The following NIBAN1 variants were observed in gnomAD, a reference collection of about 807,000 sequenced individuals.
NIBAN1 encodes protein Niban 1.
A neutral mutation model predicts 75.1 loss-of-function variants in NIBAN1; 81 were observed. That is an observed-to-expected ratio of 1.08 (90% CI 0.90 to 1.30). NIBAN1 has a LOEUF of 1.30. Among genes scored for constraint, NIBAN1 ranks in the 50% most tolerant of loss-of-function variants. The pLI is 0.00. For synonymous variants in NIBAN1, 436 were observed against 424.8 expected, an observed-to-expected ratio of 1.03 and a Z score of -0.32; for missense variants, 1,133 against 1,128.1, an observed-to-expected ratio of 1.00 and a Z score of -0.06.
chr1:184,808,273 A>G lies in NIBAN1; in HGVS notation c.1174-38T>C, dbSNP rs772615770. On this transcript the variant is annotated intron_variant, in intron 9 of 13. Coordinates refer to ENST00000367511, the MANE Select transcript of NIBAN1 (RefSeq NM_052966.4). ...GAAGGGAAACATTAAACACCCTCAG[A>G]ATGAGGAGCGGTATTGCATATATAT... 13 of 1,601,214 alleles carry G rather than the reference A, an allele frequency of 8.1e-6. No homozygotes were observed. In the Admixed American group the frequency reaches 2.0e-4, roughly 25 times the overall value.
intron 1 of NIBAN1, among the ~76,000 whole-genome samples, chr1:184,944,450 T>C (rs908732765): frequency 2.0e-5 from 3 of 152,196 alleles, no homozygotes; most frequent in African/African-American, 2.4e-5. Flanking sequence ...GTTAGGACTT[T>C]GAAAAAGAGA....
intron 3 of NIBAN1, among the ~76,000 whole-genome samples, chr1:184,892,531 T>A (rs991614278): frequency 3.9e-5 from 6 of 152,224 alleles, no homozygotes; most frequent in Non-Finnish European, 2.9e-5. Flanking sequence ...AATTAAGTGT[T>A]GAATAAAATC....
chr1:184,887,439 G>T (rs999568937), intron 4 of NIBAN1, among the ~76,000 whole-genome samples: 2 of 152,142 alleles, frequency 1.3e-5, no homozygotes, highest in Non-Finnish European at 2.9e-5. Context: ...TACATTTCCA[G>T]CCTCCTTTGC....
chr1:184,918,283 T>C (rs1203274824), intron 1 of NIBAN1, among the ~76,000 whole-genome samples: 1 of 152,100 alleles, frequency 6.6e-6, no homozygotes, highest in Non-Finnish European at 1.5e-5. Flanking sequence ...CAGGCCCTCG[T>C]CTCTTACAAA....
At position 184,802,969 on chromosome 1, in the gene NIBAN1, C is replaced by T. The variant is rs190074234; in HGVS notation, c.1554+616G>A. Among the ~76,000 whole-genome samples, 941 of 152,320 alleles carry T rather than the reference C, an allele frequency of 6.2e-3. 5 individuals carry two copies. The highest frequency in any genetic ancestry group is 0.017 in the Middle Eastern group (5 of 294). On this transcript the variant is annotated intron_variant, in intron 12 of 13. Transcript: ENST00000367511. ...ACCATGAGGATATAAATAATACCTC[C>T]TCCCAGAGCTGTTTTCAGTCTCTGC...
chr1:184,962,507 C>T (rs937333557), intron 1 of NIBAN1, among the ~76,000 whole-genome samples: 4 of 152,118 alleles, frequency 2.6e-5, no homozygotes, highest in Non-Finnish European at 4.4e-5. Flanking sequence ...CCAGTTGTAG[C>T]AGTAAACATA....
chr1:184,938,086 T>C (rs1439314967), intron 1 of NIBAN1, among the ~76,000 whole-genome samples: 1 of 152,154 alleles, frequency 6.6e-6, no homozygotes, highest in African/African-American at 2.4e-5. Context: ...TCTCTGGTCA[T>C]GGAGATTAAC....
intron 1 of NIBAN1, among the ~76,000 whole-genome samples, chr1:184,925,788 C>T (rs1432604796): frequency 6.6e-6 from 1 of 151,862 alleles, no homozygotes; most frequent in Non-Finnish European, 1.5e-5. Flanking sequence ...ATTGTATTGT[C>T]TATGTGTTGA....
intron 5 of NIBAN1, among the ~76,000 whole-genome samples, chr1:184,843,248 C>T (rs552096218): frequency 3.7e-4 from 57 of 152,296 alleles, no homozygotes; most frequent in African/African-American, 1.4e-3. Context: ...CCAGATGTAA[C>T]CCTGATTGAT....
At chr1:184,966,343 T>C (rs1658784116) in intron 1 of NIBAN1, among the ~76,000 whole-genome samples, 1 of 152,204 alleles carries the variant, frequency 6.6e-6, no homozygotes, top group Middle Eastern at 3.2e-3. Context: ...TTCAGTATCC[T>C]ATTGGAGAGG....
chr1:184,955,702 G>A (rs1198476017), intron 1 of NIBAN1, among the ~76,000 whole-genome samples: 1 of 152,168 alleles, frequency 6.6e-6, no homozygotes. Context: ...TCCACTTAAA[G>A]TAGAAAATGT....
intron 3 of NIBAN1, among the ~76,000 whole-genome samples, chr1:184,890,877 C>T (rs1037133492): frequency 6.6e-6 from 1 of 152,278 alleles, no homozygotes; most frequent in Non-Finnish European, 1.5e-5. Flanking sequence ...ATTGCCAAAG[C>T]AGTTTGGTAA....
At chr1:184,961,890 A>G (rs1054497967) in intron 1 of NIBAN1, among the ~76,000 whole-genome samples, 15 of 152,224 alleles carry the variant, frequency 9.9e-5, no homozygotes, top group Admixed American at 7.2e-4. Flanking sequence ...AGAATTTAAT[A>G]CTATTTACTG....
intron 1 of NIBAN1, among the ~76,000 whole-genome samples, chr1:184,908,586 G>T (rs968469642): frequency 6.6e-6 from 1 of 152,078 alleles, no homozygotes; most frequent in Non-Finnish European, 1.5e-5. Flanking sequence ...TTTAGGAGAG[G>T]AAACCAATAG....
At chr1:184,851,863 C>A (rs1425607173) in intron 5 of NIBAN1, among the ~76,000 whole-genome samples, 6 of 150,252 alleles carry the variant, frequency 4.0e-5, no homozygotes, top group Non-Finnish European at 7.4e-5. Context: ...TTTAACTAAT[C>A]CTCTTATGAC....
At chr1:184,966,169 G>A (rs1419289363) in intron 1 of NIBAN1, among the ~76,000 whole-genome samples, 2 of 152,218 alleles carry the variant, frequency 1.3e-5, no homozygotes, top group Non-Finnish European at 2.9e-5. Context: ...ATGCCTGTGT[G>A]TAGTCCTCTC....
chr1:184,958,402 A>ACACACACACACACACACAC (rs1557930915), intron 1 of NIBAN1, among the ~76,000 whole-genome samples: 1 of 149,464 alleles, frequency 6.7e-6, no homozygotes, highest in South Asian at 2.1e-4. Context: ...ACACACACAC[A>ACACACACACACACACACAC]AATAGCCAAA....
intron 5 of NIBAN1, among the ~76,000 whole-genome samples, chr1:184,832,718 AC>A: frequency 6.6e-6 from 1 of 152,242 alleles, no homozygotes; most frequent in African/African-American, 2.4e-5. Flanking sequence ...TTCTAAACAT[AC>A]TGGATTTTAA....
intron 1 of NIBAN1, among the ~76,000 whole-genome samples, chr1:184,922,347 A>G: frequency 6.6e-6 from 1 of 151,990 alleles, no homozygotes; most frequent in Admixed American, 6.6e-5. Context: ...TATTCATTCT[A>G]TCTAACTACA....
Sources: allele counts gnomAD v4.1 joint callset (sites outside exome capture counted in the v4.1 genomes callset), GRCh38; gene constraint gnomAD v4.1.1; transcripts MANE v1.5; gene names NCBI Gene and HGNC (gene_info 2026-07-23, HGNC 2026-07-21).